SNTG2: variants seen among roughly 807,000 people sequenced by gnomAD.
The protein encoded by SNTG2 is gamma-2-syntrophin.
A neutral mutation model predicts 70.9 loss-of-function variants in SNTG2; 74 were observed. The observed-to-expected ratio is 1.04, with a 90% CI of 0.86 to 1.27. SNTG2 has a LOEUF of 1.27. SNTG2 is among the 50% of genes most tolerant of loss of function. The pLI is 0.00. For missense variants in SNTG2, 717 were observed against 690.7 expected (o/e 1.04, Z -0.43); for synonymous variants, 278 against 273.8 (o/e 1.02, Z -0.15).
Position 1,137,678 on chromosome 2 carries a change from C to T in SNTG2, c.369+13C>T. Reference sequence around the variant, plus strand: ...TGCTGTTCTCCAGGTCAGTATTGTACACGTTAATCCTTAACTTGATTGCAT... The same window carrying T: ...TGCTGTTCTCCAGGTCAGTATTGTATACGTTAATCCTTAACTTGATTGCAT... On this transcript the variant is annotated intron_variant, in intron 5 of 16. Transcript: ENST00000308624. The T allele has an allele frequency of 6.2e-7, 1 of 1,613,558 alleles. No homozygotes were observed. Among genetic ancestry groups the T allele is most frequent in the Non-Finnish European group, 8.5e-7 (1 of 1,179,690 alleles).
intron 6 of SNTG2, among the ~76,000 whole-genome samples, chr2:1,154,698 G>A (rs1029532593): frequency 2.6e-5 from 4 of 152,090 alleles, no homozygotes; most frequent in East Asian, 1.9e-4. Context: ...TTAAAATACC[G>A]TAGCAGTAAG....
At chr2:1,035,783 T>C (rs1344520016) in intron 1 of SNTG2, among the ~76,000 whole-genome samples, 3 of 152,240 alleles carry the variant, frequency 2.0e-5, no homozygotes, top group African/African-American at 4.8e-5. Context: ...CTTGTATATT[T>C]GCATTTATCT....
In SNTG2 at chr2:1,162,134, G is replaced by A. The variant is rs529417851; in HGVS notation, c.412-3414G>A. ...CTACTCTGCCTCTCTCTATTGATTGGTTCTGTTACTTCTGACAAAATTGTC... is the reference window on the plus strand; with the variant it reads ...CTACTCTGCCTCTCTCTATTGATTGATTCTGTTACTTCTGACAAAATTGTC... On this transcript the variant is annotated intron_variant, in intron 6 of 16. Coordinates refer to ENST00000308624, the MANE Select transcript of SNTG2 (RefSeq NM_018968.4). 2.0e-5 allele frequency among the ~76,000 whole-genome samples: 3 copies of A among 151,268 alleles called. No individual in the cohort carries two copies. The South Asian group carries it at 6.3e-4, about 32-fold the overall frequency.
At chr2:1,042,808 G>A (rs75909235) in intron 1 of SNTG2, among the ~76,000 whole-genome samples, 3,146 of 152,258 alleles carry the variant, frequency 0.021, 50 homozygotes, top group Non-Finnish European at 0.03. Context: ...CTTTGCCATC[G>A]TGAATAGTGC....
intron 4 of SNTG2, among the ~76,000 whole-genome samples, chr2:1,127,654 G>A (rs4528790): frequency 0.59 from 90,323 of 151,816 alleles, 27,580 homozygotes; most frequent in East Asian, 0.72. Flanking sequence ...TTCCTTGTAG[G>A]GATCTTCCAT....
At chr2:1,057,392 C>T (rs1022713227) in intron 1 of SNTG2, among the ~76,000 whole-genome samples, 1 of 152,124 alleles carries the variant, frequency 6.6e-6, no homozygotes, top group South Asian at 2.1e-4. Flanking sequence ...TAAAGGGGAG[C>T]ATATTAAGTA....
chr2:1,057,098 G>C (rs1662512380), intron 1 of SNTG2, among the ~76,000 whole-genome samples: 2 of 152,022 alleles, frequency 1.3e-5, no homozygotes, highest in African/African-American at 4.8e-5. Context: ...GAGCTTGGGA[G>C]CTGGGGCCAG....
intron 14 of SNTG2, among the ~76,000 whole-genome samples, chr2:1,282,009 C>A (rs1347343936): frequency 6.6e-6 from 1 of 152,216 alleles, no homozygotes; most frequent in Admixed American, 6.5e-5. Context: ...CTCTGAAAAT[C>A]TGGCTTGCAT....
At chr2:1,113,742 G>T (rs1208059761) in intron 4 of SNTG2, among the ~76,000 whole-genome samples, 1 of 149,264 alleles carries the variant, frequency 6.7e-6, no homozygotes, top group African/African-American at 2.5e-5. Context: ...AGTCCTTTGA[G>T]AAGAATGGTG....
rs771717020 is a variant in SNTG2, at chr2:1,120,685, AT to A, written c.326-16936del. The stretch of plus-strand genomic sequence containing the variant: ...AAGGCCTTTATCTAGTGAAAAGGGG[AT>A]AATTTATCAGGAGGACATAACAATC... On this transcript the variant is annotated intron_variant, in intron 4 of 16. Transcript: ENST00000308624. Among the ~76,000 whole-genome samples the A allele has an allele frequency of 7.2e-5, 11 of 152,320 alleles. 1 individual carries two copies. The East Asian group carries it at 1.5e-3, about 21-fold the overall frequency.
At chr2:1,229,983 C>T (rs1397585993) in intron 9 of SNTG2, among the ~76,000 whole-genome samples, 1 of 152,200 alleles carries the variant, frequency 6.6e-6, no homozygotes, top group Non-Finnish European at 1.5e-5. Context: ...TCTCCCTCCA[C>T]ACCTCCCTGC....
intron 8 of SNTG2, among the ~76,000 whole-genome samples, chr2:1,175,128 A>G (rs759931578): frequency 1.2e-4 from 18 of 152,194 alleles, no homozygotes; most frequent in Non-Finnish European, 1.9e-4. Context: ...TCTAAATCCC[A>G]TGAGATCTGC....
chr2:1,125,427 T>C lies in SNTG2; in HGVS notation c.326-12195T>C, dbSNP rs569354900. On this transcript the variant is annotated intron_variant, in intron 4 of 16. Coordinates refer to ENST00000308624, the MANE Select transcript of SNTG2 (RefSeq NM_018968.4). ...CTCTTGCTTCTTCCCTCTCCCTCCC[T>C]TCCTTTGCCTTCAAAGCACCCATGC... 2.6e-5 allele frequency among the ~76,000 whole-genome samples: 4 copies of C among 152,300 alleles called. 1 individual carries two copies. Among genetic ancestry groups the C allele is most frequent in the Middle Eastern group, 3.4e-3 (1 of 292 alleles).
intron 10 of SNTG2, 34 bp from the exon 11 acceptor site, chr2:1,239,704 C>A (rs1225014611): frequency 1.2e-6 from 2 of 1,610,802 alleles, no homozygotes; most frequent in Admixed American, 3.4e-5. Flanking sequence ...GTGTTGGTGG[C>A]TGTGGCCCTG....
intron 16 of SNTG2, among the ~76,000 whole-genome samples, chr2:1,320,327 G>A (rs1423913926): frequency 6.6e-6 from 1 of 151,962 alleles, no homozygotes; most frequent in Non-Finnish European, 1.5e-5. Context: ...GAGGTCATGA[G>A]ATCGAGACCA....
At position 1,316,384 on chromosome 2, in the gene SNTG2, C is replaced by T; in HGVS notation, c.1488+9C>T. ...AACAGATTGAGACGAAGGTATGCGG[C>T]ATGGGGCATGGGTTATTCTGCCACC... On this transcript the variant is annotated intron_variant, in intron 16 of 16. Transcript: ENST00000308624. 1 of 1,383,958 alleles carries T rather than the reference C, an allele frequency of 7.2e-7. No homozygotes were observed. The highest frequency in any genetic ancestry group is 1.3e-5 in the South Asian group (1 of 79,680). 85.7% of individuals were successfully genotyped at this position (1,383,958 alleles called of 1,614,324 possible).
chr2:1,210,175 T>A (rs113066323), intron 9 of SNTG2, among the ~76,000 whole-genome samples: 6,126 of 152,294 alleles, frequency 0.04, 162 homozygotes, highest in Non-Finnish European at 0.061. Flanking sequence ...GATGTTCATG[T>A]TTGCGGAAGG....
At chr2:1,066,652 A>G (rs1663171837) in intron 1 of SNTG2, among the ~76,000 whole-genome samples, 1 of 152,054 alleles carries the variant, frequency 6.6e-6, no homozygotes, top group South Asian at 2.1e-4. Context: ...GTCACACATC[A>G]CAATCTGATT....
chr2:1,016,148 T>C (rs1381926162), intron 1 of SNTG2, among the ~76,000 whole-genome samples: 5 of 152,118 alleles, frequency 3.3e-5, no homozygotes, highest in African/African-American at 1.2e-4. Flanking sequence ...GCACAGTATA[T>C]AGTATGACCC....
Sources: gnomAD v4.1 joint callset for allele counts (sites outside exome capture counted in the v4.1 genomes callset) on GRCh38, gnomAD v4.1.1 for gene constraint, MANE v1.5 for transcripts, NCBI Gene and HGNC (gene_info 2026-07-23, HGNC 2026-07-21) for gene names.